Variants in CRADD observed in about 807,000 individuals in gnomAD.
CRADD encodes the protein CARD and death domain containing adaptor protein, also known as death domain-containing protein CRADD.
A neutral mutation model predicts 15.5 loss-of-function variants in CRADD; 9 were observed. The observed-to-expected ratio is 0.58, with a 90% confidence interval of 0.35 to 1.01. CRADD has a LOEUF of 1.01. Ranked by LOEUF, CRADD falls within the 50% of genes least tolerant of loss-of-function variation. The pLI, the probability that CRADD is intolerant of heterozygous loss-of-function variation, is 0.02. For missense variants in CRADD, 227 were observed against 250.3 expected (o/e 0.91, Z 0.63); for synonymous variants, 118 against 107.6 (o/e 1.10, Z -0.60).
chr12:93,808,186 C>T (rs746461188), intron 2 of CRADD, among the ~76,000 whole-genome samples: 1 of 151,864 alleles, frequency 6.6e-6, no homozygotes, highest in Non-Finnish European at 1.5e-5. Context: ...CTCTCCCTCA[C>T]ACAGCCTGTT....
chr12:93,884,847 G>A (rs1024475271), intron 2 of CRADD, among the ~76,000 whole-genome samples: 3 of 152,134 alleles, frequency 2.0e-5, no homozygotes, highest in African/African-American at 7.2e-5. Flanking sequence ...ATGAGGAGGT[G>A]GAGAATCAGA....
chr12:93,682,714 A>C (rs1955343342), intron 2 of CRADD, among the ~76,000 whole-genome samples: 1 of 152,088 alleles, frequency 6.6e-6, no homozygotes, highest in South Asian at 2.1e-4. Context: ...TACTCTTCTG[A>C]ACGCCACCCC....
At chr12:93,776,000 C>T (rs1226281957) in intron 2 of CRADD, among the ~76,000 whole-genome samples, 1 of 152,050 alleles carries the variant, frequency 6.6e-6, no homozygotes, top group Non-Finnish European at 1.5e-5. Context: ...TCTCTAAAAC[C>T]TTTAATCCTC....
intron 2 of CRADD, among the ~76,000 whole-genome samples, chr12:93,753,336 G>A (rs569302699): frequency 1.3e-3 from 205 of 152,286 alleles, no homozygotes; most frequent in Non-Finnish European, 2.6e-3. Flanking sequence ...TGAGACTTGT[G>A]TGCGGACACA....
chr12:93,738,308 G>A, intron 2 of CRADD: 1 of 697,478 alleles, frequency 1.4e-6, no homozygotes, highest in South Asian at 1.5e-5. Context: ...AGGCCCATGA[G>A]ACCTCAGGCA....
At chr12:93,748,410 A>AT (rs5800113) in intron 2 of CRADD, among the ~76,000 whole-genome samples, 63,767 of 152,054 alleles carry the variant, frequency 0.42, 14,174 homozygotes, top group East Asian at 0.8. Flanking sequence ...GGTTCAGGCG[A>AT]TTCCCCCCTG....
At chr12:93,815,474 C>T (rs1009983581) in intron 2 of CRADD, 1 of 152,176 alleles carries the variant, frequency 6.6e-6, no homozygotes, top group African/African-American at 2.4e-5. Context: ...AAATACACAA[C>T]ATTTTCTGTA....
At chr12:93,753,644 T>G (rs1275681643) in intron 2 of CRADD, among the ~76,000 whole-genome samples, 2 of 152,234 alleles carry the variant, frequency 1.3e-5, no homozygotes, top group Admixed American at 6.5e-5. Flanking sequence ...CATGCAAGTT[T>G]GAAATCCAGT....
chr12:93,769,232 T>C (rs10745662), intron 2 of CRADD, among the ~76,000 whole-genome samples: 76,770 of 151,788 alleles, frequency 0.51, 19,950 homozygotes, highest in East Asian at 0.81. Flanking sequence ...CAGGTATGCG[T>C]CACCATGCCT....
In CRADD at chr12:93,818,570, T is replaced by C. The variant is rs374320385; in HGVS notation, c.299-31400T>C. On this transcript the variant is annotated intron_variant, in intron 2 of 2. Transcript: ENST00000332896. ...GGGAGGTGGGGAGGAACAAAAACCG[T>C]GGGAGTGATAGAGGCCAGTTGGCAG... 1.3e-4 allele frequency among the ~76,000 whole-genome samples: 20 copies of C among 151,944 alleles called. 1 individual carries two copies. The highest frequency in any genetic ancestry group is 1.0e-3 in the South Asian group (5 of 4,798).
intron 2 of CRADD, among the ~76,000 whole-genome samples, chr12:93,786,222 T>C (rs1403844467): frequency 6.6e-6 from 1 of 152,236 alleles, no homozygotes; most frequent in African/African-American, 2.4e-5. Flanking sequence ...TGCTTTAGAC[T>C]TCTGGAATAA....
chr12:93,765,136 T>A (rs528836865), intron 2 of CRADD, among the ~76,000 whole-genome samples: 1 of 152,138 alleles, frequency 6.6e-6, no homozygotes, highest in South Asian at 2.1e-4. Flanking sequence ...AAAGACTCAA[T>A]ATTTTTGACA....
intron 2 of CRADD, among the ~76,000 whole-genome samples, chr12:93,731,194 T>C (rs1956458117): frequency 6.6e-6 from 1 of 152,204 alleles, no homozygotes; most frequent in South Asian, 2.1e-4. Flanking sequence ...AGTGTTTTAT[T>C]TTTTTCTTCA....
intron 2 of CRADD, among the ~76,000 whole-genome samples, chr12:93,781,027 A>C (rs992966066): frequency 6.6e-6 from 1 of 151,340 alleles, no homozygotes; most frequent in Non-Finnish European, 1.5e-5. Flanking sequence ...AAGTGCTGGG[A>C]TTACAAGTGT....
At chr12:93,742,822 G>A (rs917521698) in intron 2 of CRADD, among the ~76,000 whole-genome samples, 1 of 152,100 alleles carries the variant, frequency 6.6e-6, no homozygotes, top group African/African-American at 2.4e-5. Context: ...TTGTTTTGAA[G>A]GGGCGAGTCA....
intron 2 of CRADD, among the ~76,000 whole-genome samples, chr12:93,765,542 T>C (rs1041227615): frequency 1.3e-5 from 2 of 152,102 alleles, no homozygotes; most frequent in Admixed American, 6.6e-5. Context: ...ACAATGCAGC[T>C]GTGTGGGGAG....
At chr12:93,888,684 C>A (rs1490307094) in intron 2 of CRADD, among the ~76,000 whole-genome samples, 1 of 152,104 alleles carries the variant, frequency 6.6e-6, no homozygotes. Flanking sequence ...GGAGACCCAG[C>A]AGCTGGAGTT....
chr12:93,749,036 G>A (rs554951456), intron 2 of CRADD, among the ~76,000 whole-genome samples: 4 of 152,280 alleles, frequency 2.6e-5, no homozygotes, highest in Admixed American at 2.0e-4. Context: ...TATTAAGTGC[G>A]TAACATCTGC....
intron 2 of CRADD, among the ~76,000 whole-genome samples, chr12:93,710,792 A>G (rs1956052188): frequency 6.6e-6 from 1 of 152,164 alleles, no homozygotes; most frequent in African/African-American, 2.4e-5. Context: ...GGATGCGCAG[A>G]CAGGGATAGG....
Sources: allele counts gnomAD v4.1 joint callset (sites outside exome capture counted in the v4.1 genomes callset), GRCh38; gene constraint gnomAD v4.1.1; transcripts MANE v1.5; gene names NCBI Gene and HGNC (gene_info 2026-07-23, HGNC 2026-07-21).